The following PREX1 variants were observed in gnomAD, a reference collection of about 807,000 sequenced individuals.
PREX1 encodes phosphatidylinositol 3,4,5-trisphosphate-dependent Rac exchanger 1 protein.
A neutral mutation model predicts 198.3 loss-of-function variants in PREX1; 41 were observed. The observed-to-expected ratio is 0.21, with a 90% CI of 0.16 to 0.27. PREX1 has a LOEUF of 0.27. Among genes scored for constraint, PREX1 ranks in the 10% least tolerant of loss-of-function variants. The probability of loss-of-function intolerance (pLI) is 1.00; values close to 1 mark genes in which losing one functional copy is unlikely to be tolerated. For missense variants in PREX1, 1,620 were observed against 2,200.7 expected, an observed-to-expected ratio of 0.74 and a Z score of 5.28; for synonymous variants, 843 against 887.2, an observed-to-expected ratio of 0.95 and a Z score of 0.89.
At chr20:48,629,316 G>T (rs2089295784) in intron 37 of PREX1, 133 bp downstream of exon 37, 2 of 1,258,958 alleles carry the variant, frequency 1.6e-6, no homozygotes, top group Middle Eastern at 5.7e-4. Context: ...TGCAGACAGA[G>T]CCAAGGCTCT....
Position 48,649,986 on chromosome 20 carries a change from A to G in PREX1, c.3028+10T>C. ...TCTGAACACAGTTTCTAATAGACAC[A>G]CACAGGTACCTTGCTCCGGGTCAAG... is the stretch of plus-strand genomic sequence containing the variant. On this transcript the variant is annotated intron_variant, in intron 24 of 39. Coordinates refer to ENST00000371941, the MANE Select transcript of PREX1 (RefSeq NM_020820.4). 6.2e-7 allele frequency: 1 copy of G among 1,613,202 alleles called. No homozygotes were observed.
intron 5 of PREX1, among the ~76,000 whole-genome samples, chr20:48,713,857 T>TAAA (rs71337452): frequency 2.4e-5 from 2 of 81,724 alleles, no homozygotes; most frequent in Non-Finnish European, 4.9e-5. Context: ...CCCAGAACTA[T>TAAA]AAAAAAAAAA....
intron 30 of PREX1, among the ~76,000 whole-genome samples, chr20:48,638,092 C>T (rs541364330): frequency 1.2e-4 from 19 of 152,224 alleles, no homozygotes; most frequent in African/African-American, 2.7e-4. Flanking sequence ...TAGATACACA[C>T]GTATCCATAC....
chr20:48,705,349 T>C (rs894221309), intron 6 of PREX1, among the ~76,000 whole-genome samples: 5 of 152,194 alleles, frequency 3.3e-5, no homozygotes, highest in Non-Finnish European at 5.9e-5. Flanking sequence ...TCACAAAGGA[T>C]CAGGGGGTAA....
chr20:48,685,735 AT>A (rs1327219212), intron 10 of PREX1, among the ~76,000 whole-genome samples: 2 of 152,188 alleles, frequency 1.3e-5, no homozygotes, highest in African/African-American at 4.8e-5. Context: ...ACAAAAAAAA[AT>A]AAAAATTAGC....
Position 48,695,240 on chromosome 20 carries a change from T to C in PREX1, c.918-2450A>G, listed in dbSNP as rs752956522. 3.5e-4 allele frequency among the ~76,000 whole-genome samples: 53 copies of C among 152,202 alleles called. 1 individual carries two copies. Among genetic ancestry groups the C allele is most frequent in the Admixed American group, 3.4e-3 (52 of 15,272 alleles). ...AGATTTGCTTTGCCTGTTTTTGAACTTTACACAAATGGAATCACAAGTGTG... is the reference window on the plus strand; with the variant it reads ...AGATTTGCTTTGCCTGTTTTTGAACCTTACACAAATGGAATCACAAGTGTG... On this transcript the variant is annotated intron_variant, in intron 7 of 39. Coordinates refer to ENST00000371941, the MANE Select transcript of PREX1 (RefSeq NM_020820.4).
At chr20:48,809,362 C>T (rs6090909) in intron 1 of PREX1, among the ~76,000 whole-genome samples, 1 of 152,200 alleles carries the variant, frequency 6.6e-6, no homozygotes, top group African/African-American at 2.4e-5. Flanking sequence ...ATGCTCCCAC[C>T]TGGCATCCCT....
intron 1 of PREX1, among the ~76,000 whole-genome samples, chr20:48,809,646 A>C (rs1390238874): frequency 6.6e-6 from 1 of 152,210 alleles, no homozygotes; most frequent in East Asian, 1.9e-4. Flanking sequence ...CTTCAAGATG[A>C]GGGAGAAACG....
the PREX1 span, among the ~76,000 whole-genome samples, chr20:48,855,027 C>T: frequency 6.6e-6 from 1 of 152,150 alleles, no homozygotes; most frequent in African/African-American, 2.4e-5. Context: ...TGTTTTAGGG[C>T]TTAGTAATAA....
intron 1 of PREX1, among the ~76,000 whole-genome samples, chr20:48,753,043 A>C (rs1192689892): frequency 6.6e-6 from 1 of 152,078 alleles, no homozygotes; most frequent in Non-Finnish European, 1.5e-5. Flanking sequence ...AGTTCCTCTA[A>C]ATGTATATCC....
chr20:48,790,124 C>T (rs1035849164), intron 1 of PREX1, among the ~76,000 whole-genome samples: 1 of 152,170 alleles, frequency 6.6e-6, no homozygotes, highest in Non-Finnish European at 1.5e-5. Context: ...TGTGACAAAA[C>T]CTCTCTGTGC....
chr20:48,712,076 T>A (rs1435168673), intron 5 of PREX1, among the ~76,000 whole-genome samples: 2 of 152,186 alleles, frequency 1.3e-5, no homozygotes, highest in Non-Finnish European at 1.5e-5. Context: ...CTAAAACATA[T>A]CCTATTACAA....
chr20:48,661,336 T>G (rs2122942258), intron 15 of PREX1, among the ~76,000 whole-genome samples: 1 of 143,160 alleles, frequency 7.0e-6, no homozygotes, highest in South Asian at 2.3e-4. Flanking sequence ...GGAGAACTGC[T>G]TGAACCCGGG....
the PREX1 span, among the ~76,000 whole-genome samples, chr20:48,868,770 A>G: frequency 2.6e-5 from 4 of 152,176 alleles, no homozygotes; most frequent in Admixed American, 6.6e-5. Flanking sequence ...TAACATAAAC[A>G]TACCTTTTTT....
At chr20:48,876,296 C>T in the PREX1 span, among the ~76,000 whole-genome samples, 57 of 152,216 alleles carry the variant, frequency 3.7e-4, no homozygotes, top group East Asian at 0.011. Flanking sequence ...GTGGGCAGGA[C>T]GGGAGCCAAC....
chr20:48,812,305 TATAAGAGGAATGGGTAAATAAC>T (rs1428555933), intron 1 of PREX1, among the ~76,000 whole-genome samples: 8,996 of 147,058 alleles, frequency 0.061, 1,394 homozygotes, highest in Non-Finnish European at 0.078. Flanking sequence ...GGGTAAATAA[TATAAGAGGAATGGGTAAATAAC>T]ATAAGAGGAA....
chr20:48,824,635 T>C (rs1489500988), intron 1 of PREX1, among the ~76,000 whole-genome samples: 1 of 152,226 alleles, frequency 6.6e-6, no homozygotes, highest in Non-Finnish European at 1.5e-5. Context: ...TTTAAAAACC[T>C]ATAAAATAGG....
At chr20:48,670,795 T>C (rs918811194) in intron 14 of PREX1, among the ~76,000 whole-genome samples, 5 of 152,216 alleles carry the variant, frequency 3.3e-5, no homozygotes, top group African/African-American at 9.6e-5. Context: ...ATGATTGTTA[T>C]TGACTATGAA....
chr20:48,871,737 A>G, the PREX1 span, among the ~76,000 whole-genome samples: 3 of 116,310 alleles, frequency 2.6e-5, no homozygotes, highest in African/African-American at 1.0e-4. Flanking sequence ...TAACTATAAT[A>G]TGGAGATAAT....
Sources: allele counts gnomAD v4.1 joint callset (sites outside exome capture counted in the v4.1 genomes callset), GRCh38; gene constraint gnomAD v4.1.1; transcripts MANE v1.5; gene names NCBI Gene and HGNC (gene_info 2026-07-23, HGNC 2026-07-21).